KMT2C: variants seen among roughly 807,000 people sequenced by gnomAD.
KMT2C encodes the protein lysine methyltransferase 2C.
KMT2C carries 88 observed loss-of-function variants against 507.9 expected under a neutral mutation model. That is an observed-to-expected ratio of 0.17 (90% CI 0.15 to 0.21). The LOEUF is 0.21. Ranked by LOEUF, KMT2C falls within the 10% of genes least tolerant of loss-of-function variation. The probability of loss-of-function intolerance (pLI) is 1.00; values close to 1 mark genes in which losing one functional copy is unlikely to be tolerated. For synonymous variants in KMT2C, 2,049 were observed against 2,080.8 expected (o/e 0.98, Z 0.42); for missense variants, 4,954 against 5,957.8 (o/e 0.83, Z 5.55).
chr7:152,184,062 A>G (rs1216044828), intron 34 of KMT2C, among the ~76,000 whole-genome samples: 1 of 148,052 alleles, frequency 6.8e-6, no homozygotes, highest in Non-Finnish European at 1.5e-5. Flanking sequence ...ACAACTGTGA[A>G]GCTCCATCTC....
intron 16 of KMT2C, 125 bp downstream of exon 16, chr7:152,235,692 G>A: frequency 1.4e-6 from 1 of 715,274 alleles, no homozygotes; most frequent in Non-Finnish European, 2.4e-6. Context: ...AAAAAGCAAA[G>A]TAGGACAGTA....
chr7:152,212,867 CCT>C, intron 23 of KMT2C, among the ~76,000 whole-genome samples: 1 of 152,306 alleles, frequency 6.6e-6, no homozygotes, highest in African/African-American at 2.4e-5. Flanking sequence ...ATGGCGAAAC[CCT>C]GTCTCTACTA....
intron 23 of KMT2C, among the ~76,000 whole-genome samples, chr7:152,216,311 G>A: frequency 6.6e-6 from 1 of 152,158 alleles, no homozygotes; most frequent in Non-Finnish European, 1.5e-5. Context: ...ATTTGTTTCT[G>A]ATACACCAAA....
At chr7:152,398,716 G>C (rs2097552239) in intron 1 of KMT2C, among the ~76,000 whole-genome samples, 1 of 151,760 alleles carries the variant, frequency 6.6e-6, no homozygotes, top group Non-Finnish European at 1.5e-5. Flanking sequence ...TACTTTTTAA[G>C]TTATGCCCTC....
intron 6 of KMT2C, among the ~76,000 whole-genome samples, chr7:152,294,609 G>A (rs1190784179): frequency 6.7e-6 from 1 of 150,296 alleles, no homozygotes; most frequent in Non-Finnish European, 1.5e-5. Flanking sequence ...TCCAGCATGA[G>A]CAACACAGCA....
intron 22 of KMT2C, 51 bp from the exon 23 acceptor site, chr7:152,220,786 T>G (rs1312732465): frequency 1.4e-6 from 2 of 1,387,354 alleles, no homozygotes; most frequent in African/African-American, 2.9e-5. Flanking sequence ...ATTTCAAATT[T>G]GACTGATTAC....
chr7:152,432,233 AT>A (rs2097869285), intron 1 of KMT2C, among the ~76,000 whole-genome samples: 1 of 152,162 alleles, frequency 6.6e-6, no homozygotes, highest in Non-Finnish European at 1.5e-5. Context: ...ACCCACACCC[AT>A]TTCTAACATC....
chr7:152,191,659 T>C (rs540645902), intron 31 of KMT2C, among the ~76,000 whole-genome samples: 45 of 152,316 alleles, frequency 3.0e-4, no homozygotes, highest in African/African-American at 1.1e-3. Flanking sequence ...CAAAGGCTCT[T>C]GGAAGCCTCT....
intron 6 of KMT2C, among the ~76,000 whole-genome samples, chr7:152,287,431 A>G (rs2096321451): frequency 1.3e-5 from 2 of 152,196 alleles, no homozygotes; most frequent in Non-Finnish European, 2.9e-5. Flanking sequence ...AAGGCCTACT[A>G]AGGAACTGGA....
intron 25 of KMT2C, among the ~76,000 whole-genome samples, chr7:152,203,478 T>G (rs1023556381): frequency 6.6e-6 from 1 of 152,142 alleles, no homozygotes; most frequent in Non-Finnish European, 1.5e-5. Flanking sequence ...AAAGAAAAAG[T>G]GTGTCCTTTA....
At chr7:152,411,388 A>C (rs1163838148) in intron 1 of KMT2C, among the ~76,000 whole-genome samples, 9 of 152,024 alleles carry the variant, frequency 5.9e-5, no homozygotes, top group South Asian at 4.2e-4. Flanking sequence ...GGCAGGGCCC[A>C]CACAAGAAAA....
At chr7:152,224,951 A>C (rs1379747751) in intron 18 of KMT2C, among the ~76,000 whole-genome samples, 2 of 152,216 alleles carry the variant, frequency 1.3e-5, no homozygotes, top group Non-Finnish European at 2.9e-5. Context: ...TTATTGATAC[A>C]TAATTTGAAA....
In KMT2C at chr7:152,155,931, T is replaced by C; in HGVS notation, c.11939A>G (p.His3980Arg). 6.2e-7 allele frequency: 1 copy of C among 1,602,970 alleles called. No homozygotes were observed. Among genetic ancestry groups the C allele is most frequent in the Non-Finnish European group, 8.5e-7 (1 of 1,177,616 alleles). The stretch of plus-strand genomic sequence containing the variant: ...GTACCTTAATTCTTCCTGATTGTTA[T>C]GAGGTGGTGTTGGGAGGGAGGCTGG... ...DVPASLPTPP[H>R]NNQEELRIQD... is the part of the protein sequence containing the mutation. The change falls in exon 46 of 59, where the codon CAT (histidine) becomes CGT (arginine). Residue 3980 changes from histidine (H) to arginine (R), a missense_variant. His to Arg is a conservative substitution (Grantham distance 29, BLOSUM62 0). Coordinates refer to ENST00000262189, the MANE Select transcript of KMT2C (RefSeq NM_170606.3).
chr7:152,318,482 C>G (rs1468948727), intron 3 of KMT2C, among the ~76,000 whole-genome samples: 1 of 147,290 alleles, frequency 6.8e-6, no homozygotes, highest in Non-Finnish European at 1.5e-5. Flanking sequence ...AAAAATTAGC[C>G]AGGCATTGAT....
intron 3 of KMT2C, among the ~76,000 whole-genome samples, chr7:152,320,464 G>T (rs777759351): frequency 2.0e-4 from 31 of 152,040 alleles, no homozygotes; most frequent in Admixed American, 3.9e-4. Flanking sequence ...GGCCAGGCTG[G>T]TCTCAAACTC....
chr7:152,180,100 G>A lies in KMT2C; in HGVS notation c.7176C>T (p.Leu2392=), dbSNP rs2129118320. The change falls in exon 37 of 59, where the codon CTC becomes CTT. Residue 2392 remains leucine, a synonymous_variant. Coordinates refer to ENST00000262189, the MANE Select transcript of KMT2C (RefSeq NM_170606.3). ...RQRQKLREII[L]QQQQQKKIAG... is the part of the protein sequence containing the mutation. Reference sequence around the variant, plus strand: ...CAATCTTCTTCTGCTGTTGCTGCTGGAGAATGATTTCACGTAACTTCTGCC... The same window carrying A: ...CAATCTTCTTCTGCTGTTGCTGCTGAAGAATGATTTCACGTAACTTCTGCC... The A allele has an allele frequency of 2.5e-6, 4 of 1,614,174 alleles. No individual in the cohort carries two copies. The highest frequency in any genetic ancestry group is 2.5e-6 in the Non-Finnish European group (3 of 1,180,038).
At position 152,175,339 on chromosome 7, in the gene KMT2C, A is replaced by T. The variant is rs115860358; in HGVS notation, c.9262+852T>A. Reference sequence around the variant, plus strand: ...TTTTTGTTATTTTTTTTTAATTATTATACTTTAAATTCTGGGATACTTGTG... The same window carrying T: ...TTTTTGTTATTTTTTTTTAATTATTTTACTTTAAATTCTGGGATACTTGTG... On this transcript the variant is annotated intron_variant, in intron 38 of 58. Transcript: ENST00000262189. 2.2e-3 allele frequency among the ~76,000 whole-genome samples: 329 copies of T among 151,770 alleles called. 3 individuals are homozygous for T. Among genetic ancestry groups the T allele is most frequent in the Middle Eastern group, 0.01 (3 of 294 alleles).
intron 1 of KMT2C, among the ~76,000 whole-genome samples, chr7:152,431,158 G>A (rs1752898747): frequency 6.6e-6 from 1 of 151,920 alleles, no homozygotes; most frequent in South Asian, 2.1e-4. Flanking sequence ...TATTTCCATG[G>A]AAATCCATGT....
At chr7:152,361,307 T>A (rs1331893934) in intron 1 of KMT2C, among the ~76,000 whole-genome samples, 1 of 152,222 alleles carries the variant, frequency 6.6e-6, no homozygotes, top group Non-Finnish European at 1.5e-5. Context: ...ACGCCTGTAA[T>A]CCCAGCACTT....
Sources: allele counts gnomAD v4.1 joint callset (sites outside exome capture counted in the v4.1 genomes callset), GRCh38; gene constraint gnomAD v4.1.1; transcripts MANE v1.5; gene names NCBI Gene and HGNC (gene_info 2026-07-23, HGNC 2026-07-21).